MAP2: variants seen among roughly 807,000 people sequenced by gnomAD.
MAP2 encodes the protein microtubule associated protein 2.
MAP2 carries 14 observed loss-of-function variants against 137.6 expected under a neutral mutation model. That is an observed-to-expected ratio of 0.10 (90% CI 0.07 to 0.16). The LOEUF is 0.16. MAP2 is among the 10% of genes least tolerant of loss of function. The probability of loss-of-function intolerance (pLI) is 1.00; values close to 1 mark genes in which losing one functional copy is unlikely to be tolerated. For missense variants in MAP2, 2,088 were observed against 2,191.5 expected, an observed-to-expected ratio of 0.95 and a Z score of 0.94; for synonymous variants, 786 against 782.3, an observed-to-expected ratio of 1.00 and a Z score of -0.08.
intron 4 of MAP2, among the ~76,000 whole-genome samples, chr2:209,627,007 T>G (rs2092420578): frequency 1.3e-5 from 2 of 152,090 alleles, no homozygotes; most frequent in Admixed American, 6.6e-5. Flanking sequence ...AGAAAAACAT[T>G]TTTTTATTTG....
chr2:209,546,756 A>C (rs911626659), intron 2 of MAP2, among the ~76,000 whole-genome samples: 2 of 152,218 alleles, frequency 1.3e-5, no homozygotes, highest in South Asian at 2.1e-4. Flanking sequence ...AAGAATCTAT[A>C]TGCATGGCTT....
chr2:209,669,791 GCA>G (rs151026595), intron 5 of MAP2, among the ~76,000 whole-genome samples: 3 of 149,338 alleles, frequency 2.0e-5, no homozygotes, highest in African/African-American at 4.9e-5. Context: ...ACACACACAC[GCA>G]CACACACACA....
intron 7 of MAP2, among the ~76,000 whole-genome samples, chr2:209,682,987 A>AT (rs1166419831): frequency 2.0e-5 from 3 of 152,148 alleles, no homozygotes; most frequent in Non-Finnish European, 4.4e-5. Context: ...ATGTTGACAG[A>AT]GCAGGTTTAC....
At chr2:209,441,972 A>G (rs1250607592) in intron 1 of MAP2, among the ~76,000 whole-genome samples, 1 of 151,588 alleles carries the variant, frequency 6.6e-6, no homozygotes, top group Non-Finnish European at 1.5e-5. Flanking sequence ...TCAGTGCCAC[A>G]TGGGAACAAA....
chr2:209,494,526 C>A (rs1005935824), intron 1 of MAP2, among the ~76,000 whole-genome samples: 1 of 151,822 alleles, frequency 6.6e-6, no homozygotes, highest in African/African-American at 2.4e-5. Context: ...CTACCAGCGC[C>A]ATGACAGTTT....
chr2:209,679,184 A>G (rs1244787116), intron 6 of MAP2, among the ~76,000 whole-genome samples: 2 of 152,068 alleles, frequency 1.3e-5, no homozygotes, highest in Non-Finnish European at 2.9e-5. Flanking sequence ...ACTGAACTTC[A>G]CTTGGTTCAT....
chr2:209,477,234 G>A (rs549387197), intron 1 of MAP2, among the ~76,000 whole-genome samples: 7 of 152,136 alleles, frequency 4.6e-5, no homozygotes, highest in Admixed American at 1.3e-4. Flanking sequence ...AAAAATTAAC[G>A]ATGGAATTGG....
chr2:209,495,158 T>C (rs1335376813), intron 1 of MAP2, among the ~76,000 whole-genome samples: 4 of 152,282 alleles, frequency 2.6e-5, no homozygotes, highest in Admixed American at 2.0e-4. Context: ...GGACAGGGCA[T>C]CTCTGAAAGA....
intron 13 of MAP2, among the ~76,000 whole-genome samples, chr2:209,720,435 C>A (rs1176920947): frequency 2.6e-5 from 4 of 151,854 alleles, no homozygotes; most frequent in African/African-American, 9.7e-5. Flanking sequence ...TCAGGAGATC[C>A]AGACCATCCT....
chr2:209,491,438 A>T lies in MAP2; in HGVS notation c.-221-16154A>T, dbSNP rs535638279. ...AAAAGCTAGCAGAAGACAAGAAATA[A>T]CTAAGATCAGAGCAGAAATGAAGGA... On this transcript the variant is annotated intron_variant, in intron 1 of 15. Transcript: ENST00000682079. 7.2e-5 allele frequency among the ~76,000 whole-genome samples: 11 copies of T among 152,266 alleles called. No homozygotes were observed. In the East Asian group the frequency reaches 2.1e-3, roughly 29 times the overall value.
At chr2:209,455,270 T>C (rs1701273752) in intron 1 of MAP2, among the ~76,000 whole-genome samples, 1 of 152,212 alleles carries the variant, frequency 6.6e-6, no homozygotes, top group South Asian at 2.1e-4. Context: ...GAAACTGACA[T>C]GAAGAGATGA....
chr2:209,628,085 G>A (rs779377619), intron 4 of MAP2, among the ~76,000 whole-genome samples: 4 of 151,836 alleles, frequency 2.6e-5, no homozygotes, highest in Admixed American at 1.3e-4. Context: ...CATATTTTTC[G>A]GCCGGGCACG....
At chr2:209,578,671 T>G (rs1158359130) in intron 2 of MAP2, among the ~76,000 whole-genome samples, 1 of 152,034 alleles carries the variant, frequency 6.6e-6, no homozygotes, top group Non-Finnish European at 1.5e-5. Flanking sequence ...CCTTCCCTTT[T>G]CCCCAGGAAA....
rs752338755 is a variant in MAP2, at chr2:209,693,836, G to A, written c.1666G>A (p.Ala556Thr). 1.2e-6 allele frequency: 2 copies of A among 1,613,880 alleles called. No homozygotes were observed. Among genetic ancestry groups the A allele is most frequent in the East Asian group, 4.5e-5 (2 of 44,880 alleles). Reference protein sequence around the residue: ...KIEGVGAATSAELDMPFYEDK... With the variant: ...KIEGVGAATSTELDMPFYEDK... Reference sequence around the variant, plus strand: ...TGAAGGAGTTGGAGCTGCAACATCAGCTGAGCTTGATATGCCATTTTATGA... The same window carrying A: ...TGAAGGAGTTGGAGCTGCAACATCAACTGAGCTTGATATGCCATTTTATGA... Residue 556 changes from alanine to threonine, a missense_variant, in exon 8 of 16, where the codon GCT (alanine) becomes ACT (threonine). Transcript: ENST00000682079.
chr2:209,684,078 G>A lies in MAP2; in HGVS notation c.454+3251G>A, dbSNP rs542555959. 6.6e-5 allele frequency among the ~76,000 whole-genome samples: 10 copies of A among 152,118 alleles called. No individual in the cohort carries two copies. In the South Asian group the frequency reaches 1.0e-3, roughly 16 times the overall value. On this transcript the variant is annotated intron_variant, in intron 7 of 15. Transcript: ENST00000682079. ...GCTGCACACTTAGAAAAGGATCTAC[G>A]GTACAGTAAACCAAACCTGTACTGA... is the stretch of plus-strand genomic sequence containing the variant.
chr2:209,681,244 A>G (rs2054434790), intron 7 of MAP2, among the ~76,000 whole-genome samples: 1 of 152,174 alleles, frequency 6.6e-6, no homozygotes, highest in Non-Finnish European at 1.5e-5. Flanking sequence ...TGAAAGTGTC[A>G]GGAATTATCT....
chr2:209,429,385 T>C (rs975024126), intron 1 of MAP2, among the ~76,000 whole-genome samples: 1 of 32,606 alleles, frequency 3.1e-5, no homozygotes, highest in Non-Finnish European at 5.9e-5. Context: ...TTCAACTAGT[T>C]TTTTTTTTTT....
rs749797441 is a variant in MAP2, at chr2:209,695,788, G to T, written c.3618G>T (p.Glu1206Asp). The T allele has an allele frequency of 6.2e-7, 1 of 1,613,934 alleles. No individual in the cohort carries two copies. The change falls in exon 8 of 16, where the codon GAG (glutamate) becomes GAT (aspartate). Residue 1206 changes from glutamate to aspartate, a missense_variant. By Grantham distance (45) the Glu-to-Asp change is conservative. This residue lies in a region of MAP2 where 591 missense variants were observed against 642.6 expected (regional missense o/e 0.92). Coordinates refer to ENST00000682079, the MANE Select transcript of MAP2 (RefSeq NM_001375505.1). Reference protein sequence around the residue: ...FIQGPKEESKETPDISITPSD... With the variant: ...FIQGPKEESKDTPDISITPSD... ...AGGGGCCAAAAGAAGAAAGCAAAGA[G>T]ACCCCAGATATATCCATCACGCCTT...
At chr2:209,478,501 T>G (rs1442173290) in intron 1 of MAP2, among the ~76,000 whole-genome samples, 1 of 152,126 alleles carries the variant, frequency 6.6e-6, no homozygotes, top group Non-Finnish European at 1.5e-5. Context: ...TGAAATACAA[T>G]TTACAAAACC....
Sources: allele counts gnomAD v4.1 joint callset (sites outside exome capture counted in the v4.1 genomes callset), GRCh38; gene constraint gnomAD v4.1.1; regional missense constraint gnomAD v4.1.1; transcripts MANE v1.5; gene names NCBI Gene and HGNC (gene_info 2026-07-23, HGNC 2026-07-21).